Variants in PTPRK observed in about 807,000 individuals in gnomAD.
PTPRK encodes protein tyrosine phosphatase receptor type K.
In PTPRK, 75 loss-of-function variants were observed where a neutral mutation model predicts 178.0. That is an observed-to-expected ratio of 0.42 (90% CI 0.35 to 0.51). The LOEUF is 0.51. PTPRK is among the 20% of genes least tolerant of loss of function. The pLI is 0.02. For synonymous variants in PTPRK, 637 were observed against 620.6 expected, an observed-to-expected ratio of 1.03 and a Z score of -0.39; for missense variants, 1,441 against 1,797.8, an observed-to-expected ratio of 0.80 and a Z score of 3.59.
intron 25 of PTPRK, among the ~76,000 whole-genome samples, chr6:127,978,810 G>C (rs1774914385): frequency 6.6e-6 from 1 of 152,122 alleles, no homozygotes; most frequent in Non-Finnish European, 1.5e-5. Flanking sequence ...TGAAATTACA[G>C]AATTCTTGGC....
At chr6:128,058,735 T>G (rs886495341) in intron 13 of PTPRK, among the ~76,000 whole-genome samples, 1 of 152,044 alleles carries the variant, frequency 6.6e-6, no homozygotes, top group South Asian at 2.1e-4. Flanking sequence ...TGTTTAAATT[T>G]TTTTTTTCTG....
chr6:128,199,519 A>C (rs1194703148), intron 6 of PTPRK, among the ~76,000 whole-genome samples: 1 of 150,664 alleles, frequency 6.6e-6, no homozygotes, highest in Non-Finnish European at 1.5e-5. Flanking sequence ...TACATTTATC[A>C]AACTATATGT....
intron 1 of PTPRK, among the ~76,000 whole-genome samples, chr6:128,446,747 G>A (rs756619744): frequency 1.3e-5 from 2 of 152,028 alleles, no homozygotes; most frequent in Non-Finnish European, 2.9e-5. Context: ...CTGGGCTACC[G>A]CTCCCACCAG....
chr6:128,177,100 C>A lies in PTPRK; in HGVS notation c.1162+7332G>T, dbSNP rs183383726. 3.3e-3 allele frequency among the ~76,000 whole-genome samples: 499 copies of A among 151,762 alleles called. 2 individuals are homozygous for A. The highest frequency in any genetic ancestry group is 0.011 in the African/African-American group (469 of 41,476). The stretch of plus-strand genomic sequence containing the variant: ...AGAGCAAGTCTATACCTCATAGTGA[C>A]CCCAATAGCACCATCAAAGAAAAGT... On this transcript the variant is annotated intron_variant, in intron 7 of 29. Coordinates refer to ENST00000368226, the MANE Select transcript of PTPRK (RefSeq NM_002844.4).
intron 1 of PTPRK, among the ~76,000 whole-genome samples, chr6:128,399,881 C>G (rs1299456450): frequency 6.6e-6 from 1 of 152,166 alleles, no homozygotes; most frequent in Non-Finnish European, 1.5e-5. Context: ...TGAAATTTGT[C>G]AAAGGAGTCT....
intron 6 of PTPRK, 131 bp downstream of exon 6, chr6:128,218,791 G>T: frequency 1.2e-6 from 1 of 850,280 alleles, no homozygotes; most frequent in Non-Finnish European, 1.8e-6. Flanking sequence ...GAAATTGTAT[G>T]ATGATATATT....
chr6:128,495,867 T>C (rs1247135639), intron 1 of PTPRK, among the ~76,000 whole-genome samples: 1 of 152,192 alleles, frequency 6.6e-6, no homozygotes, highest in Non-Finnish European at 1.5e-5. Context: ...GTTGCTGCAA[T>C]GCACTGCATT....
intron 5 of PTPRK, chr6:128,235,645 T>C (rs1288767264): frequency 2.1e-6 from 1 of 469,106 alleles, no homozygotes. Context: ...TCATAGGTTT[T>C]AAATTGCACT....
chr6:128,400,694 A>C (rs1840904501), intron 1 of PTPRK, among the ~76,000 whole-genome samples: 1 of 152,120 alleles, frequency 6.6e-6, no homozygotes, highest in Non-Finnish European at 1.5e-5. Flanking sequence ...ACCATTTAGG[A>C]CTCACTAGAA....
intron 3 of PTPRK, chr6:128,321,721 A>T: frequency 1.5e-6 from 1 of 679,088 alleles, no homozygotes; most frequent in Non-Finnish European, 2.6e-6. Flanking sequence ...GTCAATAAGT[A>T]GCTCTTTGTC....
intron 5 of PTPRK, among the ~76,000 whole-genome samples, chr6:128,233,381 G>T (rs1812632739): frequency 6.6e-6 from 1 of 152,198 alleles, no homozygotes; most frequent in Non-Finnish European, 1.5e-5. Flanking sequence ...ACAAGGCTTT[G>T]GAATTTGCCT....
chr6:128,361,223 A>G (rs1416622629), intron 2 of PTPRK, among the ~76,000 whole-genome samples: 2 of 152,132 alleles, frequency 1.3e-5, no homozygotes, highest in African/African-American at 4.8e-5. Context: ...TATCTCAGGA[A>G]AGAAAAATAT....
At chr6:128,424,986 T>C (rs373088258) in intron 1 of PTPRK, among the ~76,000 whole-genome samples, 2 of 151,992 alleles carry the variant, frequency 1.3e-5, no homozygotes, top group South Asian at 4.2e-4. Flanking sequence ...GAATAGGTGG[T>C]GTTTGATTAC....
chr6:128,241,372 C>A, intron 4 of PTPRK: 1 of 518,074 alleles, frequency 1.9e-6, no homozygotes. Flanking sequence ...CCTATTCAAT[C>A]AGAACCAGGG....
Position 128,226,310 on chromosome 6 carries a change from T to G in PTPRK, c.694-7214A>C, listed in dbSNP as rs1241676417. Among the ~76,000 whole-genome samples, 4 of 152,364 alleles carry G rather than the reference T, an allele frequency of 2.6e-5. No individual in the cohort carries two copies. In the East Asian group the frequency reaches 7.7e-4, roughly 29 times the overall value. On this transcript the variant is annotated intron_variant, in intron 5 of 29. Transcript: ENST00000368226. Reference sequence around the variant, plus strand: ...TAGCAAATTCTGATAATCACAATATTATGAAGATGATAATCCAAACAATAT... The same window carrying G: ...TAGCAAATTCTGATAATCACAATATGATGAAGATGATAATCCAAACAATAT...
intron 2 of PTPRK, among the ~76,000 whole-genome samples, chr6:128,376,283 C>G (rs1384988307): frequency 1.3e-5 from 2 of 152,178 alleles, no homozygotes; most frequent in African/African-American, 4.8e-5. Flanking sequence ...TGAAATCTAA[C>G]TGGAGGTTCC....
At chr6:128,104,982 A>G (rs1789438299) in intron 7 of PTPRK, among the ~76,000 whole-genome samples, 1 of 152,164 alleles carries the variant, frequency 6.6e-6, no homozygotes, top group African/African-American at 2.4e-5. Context: ...TACTTAAAAC[A>G]TTTTATCTAT....
At chr6:128,258,064 T>A (rs1175245224) in intron 3 of PTPRK, among the ~76,000 whole-genome samples, 1 of 152,170 alleles carries the variant, frequency 6.6e-6, no homozygotes, top group East Asian at 1.9e-4. Flanking sequence ...CCACTGAGAA[T>A]TATTTAAATG....
At chr6:128,291,744 A>G (rs1473737095) in intron 3 of PTPRK, among the ~76,000 whole-genome samples, 1 of 152,078 alleles carries the variant, frequency 6.6e-6, no homozygotes, top group East Asian at 1.9e-4. Context: ...ATGCAAACTT[A>G]TGTTGTGTTT....
Sources: allele counts gnomAD v4.1 joint callset (sites outside exome capture counted in the v4.1 genomes callset), GRCh38; gene constraint gnomAD v4.1.1; transcripts MANE v1.5; gene names NCBI Gene and HGNC (gene_info 2026-07-23, HGNC 2026-07-21).